MPHOSPH8: variants seen among roughly 807,000 people sequenced by gnomAD.
MPHOSPH8 encodes M-phase phosphoprotein 8.
MPHOSPH8 carries 45 observed loss-of-function variants against 87.3 expected under a neutral mutation model. The ratio of observed to expected loss-of-function variants is 0.52; its 90% CI spans 0.41 to 0.66. The LOEUF (loss-of-function observed/expected upper bound fraction) is 0.66, where lower values mean the gene tolerates loss of function less well. MPHOSPH8 is among the 30% of genes least tolerant of loss of function. MPHOSPH8 has a pLI of 0.00. For missense variants in MPHOSPH8, 883 were observed against 1,020.2 expected (o/e 0.87, Z 1.83); for synonymous variants, 366 against 376.9 (o/e 0.97, Z 0.33).
At position 19,645,791 on chromosome 13, in the gene MPHOSPH8, C is replaced by G. The variant is rs183889723; in HGVS notation, c.370-652C>G. Among the ~76,000 whole-genome samples, 55 of 151,808 alleles carry G rather than the reference C, an allele frequency of 3.6e-4. No homozygotes were observed. In the East Asian group the frequency reaches 0.01, roughly 28 times the overall value. On this transcript the variant is annotated intron_variant, in intron 2 of 13. Coordinates refer to ENST00000361479, the MANE Select transcript of MPHOSPH8 (RefSeq NM_017520.4). Reference sequence around the variant, plus strand: ...TCGTTTCCATCCCTTCTCTCTACCCCCAAGTCATTTAGGATAAGGTGGTTT... The same window carrying G: ...TCGTTTCCATCCCTTCTCTCTACCCGCAAGTCATTTAGGATAAGGTGGTTT...
At position 19,673,005 on chromosome 13, in the gene MPHOSPH8, G is replaced by A. The variant is rs546349156; in HGVS notation, c.*1130G>A. On this transcript the variant is annotated 3_prime_UTR_variant, in exon 14 of 14. Coordinates refer to ENST00000361479, the MANE Select transcript of MPHOSPH8 (RefSeq NM_017520.4). ...AGGGAGGTCAAGGCTGCAGTGAGCCGTGAAAGGCCACTGCACTCCAGCCTG... is the reference window on the plus strand; with the variant it reads ...AGGGAGGTCAAGGCTGCAGTGAGCCATGAAAGGCCACTGCACTCCAGCCTG... 2.3e-5 allele frequency: 10 copies of A among 428,904 alleles called. No individual in the cohort carries two copies. Among genetic ancestry groups the A allele is most frequent in the South Asian group, 3.4e-5 (2 of 59,208 alleles). The allele number at this position is 428,904 out of a possible 1,614,324, so 26.6% of individuals were successfully genotyped here. A position where few individuals can be genotyped will look rare whatever the true frequency, so the allele number is the denominator to read the frequency against.
At chr13:19,658,878 C>A in intron 5 of MPHOSPH8, 117 bp from the exon 6 acceptor site, 1 of 1,268,298 alleles carries the variant, frequency 7.9e-7, no homozygotes, top group Non-Finnish European at 1.1e-6. Flanking sequence ...TATACAATGA[C>A]TTGTGTTAAA....
chr13:19,637,521 T>A (rs1874068913), intron 1 of MPHOSPH8, among the ~76,000 whole-genome samples: 1 of 152,072 alleles, frequency 6.6e-6, no homozygotes, highest in Admixed American at 6.5e-5. Flanking sequence ...ACAAGGATCA[T>A]TTTTGTTCCC....
chr13:19,663,434 A>G (rs1875654905), intron 9 of MPHOSPH8, among the ~76,000 whole-genome samples: 2 of 152,196 alleles, frequency 1.3e-5, no homozygotes, highest in Admixed American at 1.3e-4. Flanking sequence ...ACTGTGTCCT[A>G]AATGGCAGTC....
At chr13:19,655,479 C>T (rs929353025) in intron 5 of MPHOSPH8, among the ~76,000 whole-genome samples, 2 of 145,988 alleles carry the variant, frequency 1.4e-5, no homozygotes, top group African/African-American at 5.2e-5. Context: ...AAAACACCAC[C>T]ACCACCACCA....
intron 5 of MPHOSPH8, among the ~76,000 whole-genome samples, chr13:19,654,470 GTAA>G (rs1248843700): frequency 2.0e-5 from 3 of 149,414 alleles, no homozygotes; most frequent in Non-Finnish European, 4.4e-5. Flanking sequence ...AGAACTTATA[GTAA>G]TAAAAAAAAG....
chr13:19,664,938 A>G (rs1875733515), intron 9 of MPHOSPH8, among the ~76,000 whole-genome samples: 1 of 152,082 alleles, frequency 6.6e-6, no homozygotes, highest in East Asian at 1.9e-4. Context: ...CATAGATGGA[A>G]AGAGCCTGCG....
chr13:19,655,400 C>G (rs537703824), intron 5 of MPHOSPH8, among the ~76,000 whole-genome samples: 41 of 152,182 alleles, frequency 2.7e-4, no homozygotes, highest in African/African-American at 9.9e-4. Flanking sequence ...CCCGGAAGTT[C>G]GAGGATGCAG....
At chr13:19,642,057 G>GAAAATTAATAAAATTA in intron 1 of MPHOSPH8, 58 bp from the exon 2 acceptor site, 1 of 326,614 alleles carries the variant, frequency 3.1e-6, no homozygotes, top group Non-Finnish European at 4.1e-6. Context: ...TTTTTTTTTT[G>GAAAATTAATAAAATTA]GAAATTTAAT....
rs201016069 is a variant in MPHOSPH8, at chr13:19,647,121, A to G, written c.1048A>G (p.Lys350Glu). ...TAGAGAGAACAGGAAGCTAGAGAAC[A>G]AGAACGCTTTCTTAGAGAAGAAAAC... ...DTRENRKLEN[K>E]NAFLEKKTVP... The change falls in exon 3 of 14, where the codon AAG becomes GAG. Residue 350 changes from lysine (K) to glutamate (E), a missense_variant. By Grantham distance (56) the Lys-to-Glu change is moderately conservative. Around this residue, in one of 3 missense-constraint regions of MPHOSPH8, gnomAD observed 741 missense variants for 841.5 expected, o/e 0.88. Transcript: ENST00000361479. 2.0e-5 allele frequency: 32 copies of G among 1,614,052 alleles called. No homozygotes were observed. The Admixed American group carries it at 4.2e-4, about 21-fold the overall frequency.
intron 9 of MPHOSPH8, among the ~76,000 whole-genome samples, chr13:19,665,987 A>G (rs1001446855): frequency 2.0e-5 from 3 of 152,052 alleles, no homozygotes; most frequent in African/African-American, 7.2e-5. Flanking sequence ...GATTCCTGAG[A>G]CAAAGTTGTC....
chr13:19,640,806 A>G (rs1217059079), intron 1 of MPHOSPH8, among the ~76,000 whole-genome samples: 1 of 152,144 alleles, frequency 6.6e-6, no homozygotes, highest in Non-Finnish European at 1.5e-5. Context: ...TGGAAAAGGG[A>G]GCGTTTTTGT....
At position 19,670,252 on chromosome 13, in the gene MPHOSPH8, G is replaced by GT. The variant is rs772949604; in HGVS notation, c.2349dup (p.Ile784TyrfsTer9). The GT allele has an allele frequency of 5.0e-6, 8 of 1,614,180 alleles. No homozygotes were observed. Among genetic ancestry groups the GT allele is most frequent in the Non-Finnish European group, 5.9e-6 (7 of 1,180,026 alleles). On this transcript the variant is annotated frameshift_variant, in exon 12 of 14. Coordinates refer to ENST00000361479, the MANE Select transcript of MPHOSPH8 (RefSeq NM_017520.4). LOFTEE classifies it high-confidence loss of function. Reference sequence around the variant, plus strand: ...CATTTTCAGGCTCTGGCATCCTGCTGTTTATCTTCCATGCAAACTTTTTGG... The same window carrying GT: ...CATTTTCAGGCTCTGGCATCCTGCTGTTTTATCTTCCATGCAAACTTTTTGG...
At chr13:19,647,924 ATTATC>A (rs1428141850) in intron 3 of MPHOSPH8, among the ~76,000 whole-genome samples, 2 of 152,228 alleles carry the variant, frequency 1.3e-5, no homozygotes, top group African/African-American at 4.8e-5. Context: ...TTATGGCAGT[ATTATC>A]TTCATTAGTG....
chr13:19,661,690 C>A lies in MPHOSPH8; in HGVS notation c.1792-8C>A, dbSNP rs772891145. ...TTAACACGTTTTTTATTTAACAAAC[C>A]AACACAGGATTCCAGTGGAATGACA... On this transcript the variant is annotated splice_polypyrimidine_tract_variant and splice_region_variant and intron_variant, in intron 7 of 13. Transcript: ENST00000361479. 14 of 1,584,480 alleles carry A rather than the reference C, an allele frequency of 8.8e-6. No homozygotes were observed. The highest frequency in any genetic ancestry group is 1.7e-4 in the Middle Eastern group (1 of 5,964).
chr13:19,661,399 C>T (rs1875522541), intron 7 of MPHOSPH8, among the ~76,000 whole-genome samples: 1 of 152,200 alleles, frequency 6.6e-6, no homozygotes, highest in Non-Finnish European at 1.5e-5. Context: ...AGGGTTACCA[C>T]AAACCTTCCC....
intron 7 of MPHOSPH8, chr13:19,661,095 A>G: frequency 5.9e-6 from 2 of 340,434 alleles, no homozygotes; most frequent in Non-Finnish European, 8.3e-6. Flanking sequence ...CGTCTCAATA[A>G]AAAAGAAAGA....
At chr13:19,646,313 A>C in intron 2 of MPHOSPH8, 130 bp from the exon 3 acceptor site, 1 of 751,298 alleles carries the variant, frequency 1.3e-6, no homozygotes, top group Non-Finnish European at 1.9e-6. Context: ...CAGCTTAGGT[A>C]AGCAGTTTTA....
Position 19,661,678 on chromosome 13 carries a change from T to G in MPHOSPH8, c.1792-20T>G, listed in dbSNP as rs1041725416. On this transcript the variant is annotated intron_variant, in intron 7 of 13. Coordinates refer to ENST00000361479, the MANE Select transcript of MPHOSPH8 (RefSeq NM_017520.4). Reference sequence around the variant, plus strand: ...TCTGACTAAAGATTAACACGTTTTTTATTTAACAAACCAACACAGGATTCC... The same window carrying G: ...TCTGACTAAAGATTAACACGTTTTTGATTTAACAAACCAACACAGGATTCC... 2 of 1,570,690 alleles carry G rather than the reference T, an allele frequency of 1.3e-6. No individual in the cohort carries two copies. The highest frequency in any genetic ancestry group is 1.7e-6 in the Non-Finnish European group (2 of 1,153,984).
Sources: allele counts gnomAD v4.1 joint callset (sites outside exome capture counted in the v4.1 genomes callset), GRCh38; gene constraint gnomAD v4.1.1; regional missense constraint gnomAD v4.1.1; transcripts MANE v1.5; gene names NCBI Gene and HGNC (gene_info 2026-07-23, HGNC 2026-07-21).